The following KSR1 variants were observed in gnomAD, a reference collection of about 807,000 sequenced individuals.
KSR1 encodes the protein kinase suppressor of ras 1, also known as kinase suppressor of ras.
A neutral mutation model predicts 92.9 loss-of-function variants in KSR1; 35 were observed. The observed-to-expected ratio is 0.38, with a 90% CI of 0.29 to 0.50. KSR1 has a LOEUF of 0.50. KSR1 is among the 20% of genes least tolerant of loss of function. KSR1 has a pLI of 0.94. For synonymous variants in KSR1, 467 were observed against 472.6 expected (o/e 0.99, Z 0.15); for missense variants, 972 against 1,158.5 (o/e 0.84, Z 2.34).
chr17:27,542,895 T>A (rs867711302), intron 1 of KSR1, among the ~76,000 whole-genome samples: 3 of 152,316 alleles, frequency 2.0e-5, no homozygotes, highest in African/African-American at 7.2e-5. Flanking sequence ...ATGATCTAGA[T>A]CCTGCCACAC....
rs763586990 is a variant in KSR1, at chr17:27,497,734, A to G, written c.231+40860A>G. Among the ~76,000 whole-genome samples the G allele has an allele frequency of 6.6e-5, 10 of 152,362 alleles. No homozygotes were observed. The East Asian group carries it at 1.7e-3, about 26-fold the overall frequency. On this transcript the variant is annotated intron_variant, in intron 1 of 20. Coordinates refer to ENST00000644974, the MANE Select transcript of KSR1 (RefSeq NM_001394583.1). ...TTAAGAGAAAATATTAAATAATAGT[A>G]CTGGTGGCATATGCCAGACTTGATG...
At chr17:27,526,094 T>TTCTTTCTTTCTTTCTCTCTCTC (rs55706224) in intron 1 of KSR1, among the ~76,000 whole-genome samples, 69 of 118,366 alleles carry the variant, frequency 5.8e-4, no homozygotes, top group African/African-American at 2.2e-3. Context: ...CTTTCTTTCT[T>TTCTTTCTTTCTTTCTCTCTCTC]TCTCTCTCTC....
rs762307238 is a variant in KSR1, at chr17:27,578,000, A to G, written c.520+361A>G. The G allele has an allele frequency of 2.9e-5, 11 of 381,860 alleles. No homozygotes were observed. Among genetic ancestry groups the G allele is most frequent in the East Asian group, 1.3e-4 (2 of 15,280 alleles). The allele number at this position is 381,860 out of a possible 1,614,324, so 23.7% of individuals were successfully genotyped here. On this transcript the variant is annotated intron_variant, in intron 3 of 20. Transcript: ENST00000644974. The surrounding 1 kb of genome is among the most constrained non-coding windows in gnomAD (Gnocchi z 4.5). ...CCTCTCCCCGTCTTCTCCTGTCCCC[A>G]TTGCTGGCTGGGTTCTGTGCTCAGA...
At chr17:27,549,798 T>C (rs2071326162) in intron 1 of KSR1, among the ~76,000 whole-genome samples, 1 of 152,160 alleles carries the variant, frequency 6.6e-6, no homozygotes, top group African/African-American at 2.4e-5. Flanking sequence ...AGAGTCAGCT[T>C]CTATTATCCC....
intron 1 of KSR1, among the ~76,000 whole-genome samples, chr17:27,460,573 A>G (rs1243306804): frequency 6.6e-6 from 1 of 152,144 alleles, no homozygotes; most frequent in East Asian, 1.9e-4. Context: ...TGTGGTAGGT[A>G]CAGTCTCTGC....
At chr17:27,554,940 A>G (rs1476848616) in intron 2 of KSR1, among the ~76,000 whole-genome samples, 2 of 152,238 alleles carry the variant, frequency 1.3e-5, no homozygotes, top group African/African-American at 4.8e-5. Context: ...CAGTTTCCCC[A>G]TCATTAACGT....
chr17:27,605,313 C>A, intron 13 of KSR1, 121 bp from the exon 14 acceptor site: 1 of 1,327,804 alleles, frequency 7.5e-7, no homozygotes, highest in Non-Finnish European at 1.0e-6. Context: ...GCAACTACAA[C>A]CTGGGTCCCC....
At chr17:27,501,288 TCTTC>T (rs2069172014) in intron 1 of KSR1, among the ~76,000 whole-genome samples, 8 of 129,308 alleles carry the variant, frequency 6.2e-5, no homozygotes, top group Admixed American at 2.7e-4. Flanking sequence ...TAATTTCTTT[TCTTC>T]TTTTTTTTTT....
chr17:27,463,627 AG>A (rs943118941), intron 1 of KSR1, among the ~76,000 whole-genome samples: 1 of 152,048 alleles, frequency 6.6e-6, no homozygotes, highest in African/African-American at 2.4e-5. Context: ...CCTGCAGCAA[AG>A]GGGGGCCCCC....
intron 1 of KSR1, among the ~76,000 whole-genome samples, chr17:27,467,311 C>G (rs1055327562): frequency 2.0e-5 from 3 of 152,192 alleles, no homozygotes; most frequent in African/African-American, 7.2e-5. Context: ...GGGGGTAGCC[C>G]CAAACCCTGG....
intron 1 of KSR1, among the ~76,000 whole-genome samples, chr17:27,504,225 G>A (rs61278480): frequency 0.078 from 11,848 of 152,282 alleles, 523 homozygotes; most frequent in South Asian, 0.17. Flanking sequence ...GGCACCTGCC[G>A]GGATCCAGCA....
intron 1 of KSR1, among the ~76,000 whole-genome samples, chr17:27,502,806 T>A (rs1361695876): frequency 2.0e-5 from 3 of 152,236 alleles, no homozygotes; most frequent in Non-Finnish European, 4.4e-5. Context: ...GATTCCTGTC[T>A]GGGGCCAGGA....
chr17:27,576,414 A>T (rs2072507639), intron 2 of KSR1, among the ~76,000 whole-genome samples: 1 of 152,202 alleles, frequency 6.6e-6, no homozygotes, highest in Non-Finnish European at 1.5e-5. Context: ...ACAATAACAA[A>T]ATAGAGCAAT....
intron 2 of KSR1, among the ~76,000 whole-genome samples, chr17:27,573,836 GATAAA>G (rs1398584757): frequency 1.3e-5 from 2 of 152,134 alleles, no homozygotes; most frequent in Non-Finnish European, 2.9e-5. Flanking sequence ...GTTGATTAAA[GATAAA>G]ATAATGTATA....
Position 27,582,763 on chromosome 17 carries a change from C to T in KSR1, c.638C>T (p.Ser213Phe). 6.2e-7 allele frequency: 1 copy of T among 1,613,850 alleles called. No homozygotes were observed. The highest frequency in any genetic ancestry group is 8.5e-7 in the Non-Finnish European group (1 of 1,179,828). Reference protein sequence around the residue: ...AASLPWPPGSSQLGRAGNSAQ... With the variant: ...AASLPWPPGSFQLGRAGNSAQ... ...AGCCTGCCCTGGCCCCCAGGGAGCT[C>T]CCAGCTGGGCAGAGCAGGCAACAGC... The change falls in exon 4 of 21, where the codon TCC becomes TTC. Residue 213 changes from serine (S) to phenylalanine (F), a missense_variant. Physicochemically the swap from Ser to Phe is radical, Grantham distance 155. Transcript: ENST00000644974.
At chr17:27,561,826 T>C (rs2071841098) in intron 2 of KSR1, among the ~76,000 whole-genome samples, 1 of 152,230 alleles carries the variant, frequency 6.6e-6, no homozygotes, top group Non-Finnish European at 1.5e-5. Context: ...CTTAGTCCTG[T>C]ACTGCTTGGT....
At chr17:27,555,260 C>T (rs1254310052) in intron 2 of KSR1, among the ~76,000 whole-genome samples, 1 of 151,968 alleles carries the variant, frequency 6.6e-6, no homozygotes, top group Non-Finnish European at 1.5e-5. Flanking sequence ...TCCATCTCCT[C>T]TGGGGGTGTA....
chr17:27,492,807 C>T (rs1342702405), intron 1 of KSR1, among the ~76,000 whole-genome samples: 1 of 152,082 alleles, frequency 6.6e-6, no homozygotes, highest in African/African-American at 2.4e-5. Context: ...GCCCGAGTTC[C>T]CCATGTACAA....
At chr17:27,502,679 C>T (rs771789825) in intron 1 of KSR1, among the ~76,000 whole-genome samples, 5 of 152,200 alleles carry the variant, frequency 3.3e-5, no homozygotes, top group Admixed American at 1.3e-4. Flanking sequence ...CACACTTGAG[C>T]GTCAGCACAT....
Sources: gnomAD v4.1 joint callset for allele counts (sites outside exome capture counted in the v4.1 genomes callset) on GRCh38, gnomAD v4.1.1 for gene constraint, Gnocchi (gnomAD v3.1) non-coding constraint, MANE v1.5 for transcripts, NCBI Gene and HGNC (gene_info 2026-07-23, HGNC 2026-07-21) for gene names.